The following F5 variants were observed in gnomAD, a reference collection of about 807,000 sequenced individuals.
F5 encodes activated protein c cofactor.
Under a neutral mutation model 216.4 loss-of-function variants are expected in F5, and 138 were observed. That is an observed-to-expected ratio of 0.64 (90% CI 0.56 to 0.73). The LOEUF (loss-of-function observed/expected upper bound fraction) is 0.73. Ranked by LOEUF, F5 falls within the 30% of genes least tolerant of loss-of-function variation. The pLI is 0.00. For synonymous variants in F5, 916 were observed against 930.7 expected, an observed-to-expected ratio of 0.98 and a Z score of 0.29; for missense variants, 2,403 against 2,674.0, an observed-to-expected ratio of 0.90 and a Z score of 2.24.
At position 169,530,884 on chromosome 1, in the gene F5, T is replaced by C; in HGVS notation, c.5110A>G (p.Ser1704Gly). The C allele has an allele frequency of 6.2e-7, 1 of 1,613,976 alleles. No homozygotes were observed. Among genetic ancestry groups the C allele is most frequent in the Non-Finnish European group, 8.5e-7 (1 of 1,179,884 alleles). The change falls in exon 15 of 25, where the codon AGC (serine) becomes GGC (glycine). Residue 1704 changes from serine to glycine, a missense_variant. By Grantham distance (56) the Ser-to-Gly change is moderately conservative (BLOSUM62 0). Coordinates refer to ENST00000367797, the MANE Select transcript of F5 (RefSeq NM_000130.5). The stretch of plus-strand genomic sequence containing the variant: ...GCATGCCATACGTAGGTATAACTGC[T>C]ATTTGGCTGAACAGCATTATCTTCC... The part of the protein sequence containing the change: ...FKEDNAVQPN[S>G]SYTYVWHATE...
chr1:169,520,481 T>C, intron 22 of F5, 39 bp downstream of exon 22: 1 of 1,613,130 alleles, frequency 6.2e-7, no homozygotes, highest in Non-Finnish European at 8.5e-7. Context: ...CTTGATTCTT[T>C]GAGTGGCAGT....
At chr1:169,570,774 G>T (rs942235207) in intron 3 of F5, among the ~76,000 whole-genome samples, 5 of 152,146 alleles carry the variant, frequency 3.3e-5, no homozygotes, top group Admixed American at 2.6e-4. Flanking sequence ...TTTAATTGAA[G>T]AATTATCTTT....
At chr1:169,549,688 A>G in intron 10 of F5, 113 bp downstream of exon 10, 1 of 753,434 alleles carries the variant, frequency 1.3e-6, no homozygotes. Context: ...GGACTACTTG[A>G]CAATTACTGT....
At chr1:169,573,920 G>A (rs925616059) in intron 2 of F5, among the ~76,000 whole-genome samples, 10 of 152,066 alleles carry the variant, frequency 6.6e-5, no homozygotes, top group Non-Finnish European at 1.5e-4. Context: ...CATGACCATG[G>A]TTCATATTCA....
Position 169,531,796 on chromosome 1 carries a change from A to G in F5, c.4972-774T>C, listed in dbSNP as rs573111505. On this transcript the variant is annotated intron_variant, in intron 14 of 24. Transcript: ENST00000367797. ...CCATGAAGCTCCTCCCAGCCCTTCT[A>G]TAACTTCTAGTGATTAAAGACTCCC... Among the ~76,000 whole-genome samples the G allele has an allele frequency of 3.9e-5, 6 of 152,262 alleles. No homozygotes were observed. In the South Asian group the frequency reaches 1.2e-3, roughly 32 times the overall value.
intron 7 of F5, 51 bp from the exon 8 acceptor site, chr1:169,552,785 G>C: frequency 2.3e-6 from 3 of 1,322,282 alleles, no homozygotes; most frequent in Non-Finnish European, 3.3e-6. Flanking sequence ...TAGAGATCTC[G>C]GTAGGATGGG....
chr1:169,581,557 A>G (rs951888102), intron 2 of F5, among the ~76,000 whole-genome samples: 3 of 152,098 alleles, frequency 2.0e-5, no homozygotes, highest in Admixed American at 2.0e-4. Context: ...TAAATATTGA[A>G]GATTAAAGGA....
chr1:169,536,812 T>A, intron 13 of F5, 132 bp from the exon 14 acceptor site: 1 of 676,240 alleles, frequency 1.5e-6, no homozygotes, highest in Non-Finnish European at 2.5e-6. Context: ...GATAAATGAG[T>A]AAATATATAA....
intron 21 of F5, among the ~76,000 whole-genome samples, chr1:169,521,631 T>G (rs961088174): frequency 5.5e-5 from 8 of 145,742 alleles, no homozygotes; most frequent in Non-Finnish European, 1.1e-4. Context: ...TTTTTTTTTT[T>G]TTTTTTTTGA....
chr1:169,548,647 C>T (rs148677377), intron 10 of F5, among the ~76,000 whole-genome samples: 2 of 152,212 alleles, frequency 1.3e-5, no homozygotes, highest in African/African-American at 4.8e-5. Flanking sequence ...GCAGGTGGAA[C>T]ACCTTAGGTC....
chr1:169,543,087 G>A lies in F5; in HGVS notation c.2003C>T (p.Ser668Phe). 1.2e-6 allele frequency: 2 copies of A among 1,613,772 alleles called. No individual in the cohort carries two copies. Among genetic ancestry groups the A allele is most frequent in the Non-Finnish European group, 8.5e-7 (1 of 1,179,918 alleles). The part of the protein sequence containing the change: ...VGTWMLTSMN[S>F]SPRSKKLRLK... ...CCTCAGCTTTTTGCTTCTTGGACTA[G>A]AATTCATGGAAGTTAACATCCAAGT... Residue 668 changes from serine (S) to phenylalanine (F), a missense_variant, in exon 13 of 25, where the codon TCT (serine) becomes TTT (phenylalanine). Transcript: ENST00000367797.
rs6427201 is a variant in F5 at position 169,559,484 on chromosome 1, C to T, written c.587-188G>A. Among the ~76,000 whole-genome samples, 49,036 of 152,026 alleles carry T rather than the reference C, an allele frequency of 0.32. 10,502 individuals are homozygous for T. The highest frequency in any genetic ancestry group is 0.65 in the East Asian group (3,360 of 5,160). On this transcript the variant is annotated intron_variant, in intron 4 of 24. Coordinates refer to ENST00000367797, the MANE Select transcript of F5 (RefSeq NM_000130.5). Reference sequence around the variant, plus strand: ...TAGGGTTATTTAAAATCTGGTGCCACACTGTCTTCTTTGATACCTTCTTGC... The same window carrying T: ...TAGGGTTATTTAAAATCTGGTGCCATACTGTCTTCTTTGATACCTTCTTGC...
chr1:169,556,903 A>G (rs1235118026), intron 5 of F5, 36 bp from the exon 6 acceptor site: 1 of 1,580,576 alleles, frequency 6.3e-7, no homozygotes, highest in Non-Finnish European at 8.7e-7. Context: ...CAAAATAAGC[A>G]TTCAGTCAAG....
At position 169,555,234 on chromosome 1, in the gene F5, C is replaced by T. The variant is rs1261833294; in HGVS notation, c.1066G>A (p.Ala356Thr). 8 of 1,613,996 alleles carry T rather than the reference C, an allele frequency of 5.0e-6. No homozygotes were observed. The highest frequency in any genetic ancestry group is 6.8e-6 in the Non-Finnish European group (8 of 1,180,004). Residue 356 changes from alanine (A) to threonine (T), a missense_variant, in exon 7 of 25, where the codon GCA (alanine) becomes ACA (threonine). This residue lies in a region of F5 where 1,425 missense variants were observed against 1,554.8 expected (regional missense o/e 0.92). Transcript: ENST00000367797. ...GCATAGTCCCAAATGACTTCCTCTG[C>T]AGCAATGAAGTATTCCCACCTCTTC... The part of the protein sequence containing the change: ...HMKRWEYFIA[A>T]EEVIWDYAPV...
chr1:169,544,479 T>C lies in F5; in HGVS notation c.1792A>G (p.Thr598Ala). The change falls in exon 12 of 25, where the codon ACT (threonine) becomes GCT (alanine). Residue 598 changes from threonine (T) to alanine (A), a missense_variant. This residue lies in a region of F5 where 1,425 missense variants were observed against 1,554.8 expected (regional missense o/e 0.92). Coordinates refer to ENST00000367797, the MANE Select transcript of F5 (RefSeq NM_000130.5). ...TCATCAAAGCAGAATCCAAGAGTAG[T>C]TATGCTCTCAGGCACATAGCCATTG... ...TINGYVPESI[T>A]TLGFCFDDTV... 6.2e-7 allele frequency: 1 copy of C among 1,614,076 alleles called. No individual in the cohort carries two copies. The highest frequency in any genetic ancestry group is 1.1e-5 in the South Asian group (1 of 91,074).
intron 11 of F5, among the ~76,000 whole-genome samples, chr1:169,546,120 A>G (rs142628948): frequency 1.0e-3 from 157 of 152,138 alleles, no homozygotes; most frequent in African/African-American, 3.5e-3. Flanking sequence ...CATGGACTAT[A>G]ACACCTTCCA....
intron 1 of F5, among the ~76,000 whole-genome samples, chr1:169,582,818 A>G (rs893124015): frequency 6.6e-6 from 1 of 152,264 alleles, no homozygotes. Context: ...GTAGAAACCC[A>G]AACTGTAGGT....
In F5 at chr1:169,514,278, A is replaced by G. The variant is rs1659104297; in HGVS notation, c.*35T>C. On this transcript the variant is annotated 3_prime_UTR_variant, in exon 25 of 25. Coordinates refer to ENST00000367797, the MANE Select transcript of F5 (RefSeq NM_000130.5). ...CCATTCTAAATGGTTTGAGGTCTTAAAGAGTCTCTTCCAGGGGTTTTTGAA... is the reference window on the plus strand; with the variant it reads ...CCATTCTAAATGGTTTGAGGTCTTAGAGAGTCTCTTCCAGGGGTTTTTGAA... 1.2e-6 allele frequency: 2 copies of G among 1,609,710 alleles called. No homozygotes were observed. The highest frequency in any genetic ancestry group is 1.7e-5 in the Admixed American group (1 of 59,860).
chr1:169,526,596 G>T (rs1331419311), intron 17 of F5, among the ~76,000 whole-genome samples: 1 of 152,034 alleles, frequency 6.6e-6, no homozygotes, highest in Non-Finnish European at 1.5e-5. Context: ...AAATTCTGTT[G>T]ACTATAATTT....
Sources: allele counts gnomAD v4.1 joint callset (sites outside exome capture counted in the v4.1 genomes callset), GRCh38; gene constraint gnomAD v4.1.1; regional missense constraint gnomAD v4.1.1; transcripts MANE v1.5; gene names NCBI Gene and HGNC (gene_info 2026-07-23, HGNC 2026-07-21).